Variants in CDH12 observed in about 807,000 individuals in gnomAD.
The protein encoded by CDH12 is cadherin 12.
A neutral mutation model predicts 74.1 loss-of-function variants in CDH12; 41 were observed. The observed-to-expected ratio is 0.55, with a 90% CI of 0.43 to 0.72. The LOEUF (loss-of-function observed/expected upper bound fraction) is 0.72. CDH12 is among the 30% of genes least tolerant of loss of function. The pLI, the probability that CDH12 is intolerant of heterozygous loss-of-function variation, is 0.00. For synonymous variants in CDH12, 399 were observed against 355.0 expected, an observed-to-expected ratio of 1.12 and a Z score of -1.39; for missense variants, 945 against 977.2, an observed-to-expected ratio of 0.97 and a Z score of 0.44.
rs139073237 is a variant in CDH12, at chr5:22,544,967, A to T, written c.-522-39603T>A. On this transcript the variant is annotated intron_variant, in intron 1 of 14. Transcript: ENST00000382254. ...TCAATATAAACTATATTCTAGTGAG[A>T]TGTGGCAAAAAAAAAGACTATTCCA... is the stretch of plus-strand genomic sequence containing the variant. 7.9e-3 allele frequency among the ~76,000 whole-genome samples: 1,166 copies of T among 147,416 alleles called. 21 individuals are homozygous for T. Among genetic ancestry groups the T allele is most frequent in the African/African-American group, 0.027 (1,102 of 41,382 alleles).
At chr5:22,422,136 G>C (rs532230794) in intron 2 of CDH12, among the ~76,000 whole-genome samples, 2 of 152,228 alleles carry the variant, frequency 1.3e-5, no homozygotes, top group East Asian at 3.9e-4. Flanking sequence ...TGGTGAGAGA[G>C]GGCATTTTGT....
chr5:22,483,957 A>T (rs950113348), intron 2 of CDH12, among the ~76,000 whole-genome samples: 2 of 150,394 alleles, frequency 1.3e-5, no homozygotes, highest in African/African-American at 4.9e-5. Context: ...CGGGAATTCC[A>T]AATTTCAGAA....
chr5:21,974,075 T>C (rs1756964524), intron 6 of CDH12, among the ~76,000 whole-genome samples: 1 of 152,280 alleles, frequency 6.6e-6, no homozygotes, highest in Admixed American at 6.5e-5. Context: ...TAAATCCATG[T>C]GACAGCTCCT....
At chr5:22,151,998 T>C (rs549646979) in intron 4 of CDH12, 1 of 152,054 alleles carries the variant, frequency 6.6e-6, no homozygotes, top group Non-Finnish European at 1.5e-5. Context: ...GGGGGAAAGG[T>C]AAGCACATAG....
At chr5:22,290,361 A>G (rs535264282) in intron 3 of CDH12, among the ~76,000 whole-genome samples, 117 of 152,318 alleles carry the variant, frequency 7.7e-4, no homozygotes, top group Non-Finnish European at 1.4e-3. Context: ...ACACTCAGCA[A>G]AGTTCAAAAA....
chr5:22,546,380 C>T (rs950811629), intron 1 of CDH12, among the ~76,000 whole-genome samples: 13 of 151,910 alleles, frequency 8.6e-5, no homozygotes, highest in South Asian at 2.1e-4. Flanking sequence ...CTGAGTCTAG[C>T]GAAAAAAATG....
At chr5:21,992,325 A>C (rs1757787986) in intron 5 of CDH12, among the ~76,000 whole-genome samples, 1 of 152,186 alleles carries the variant, frequency 6.6e-6, no homozygotes, top group Admixed American at 6.6e-5. Context: ...TGAATGCCTG[A>C]CTGAAATAAA....
intron 3 of CDH12, among the ~76,000 whole-genome samples, chr5:22,305,412 TA>T (rs1378555504): frequency 1.3e-5 from 2 of 152,204 alleles, no homozygotes; most frequent in African/African-American, 4.8e-5. Flanking sequence ...ATATTTTTTT[TA>T]AAAAGAAACT....
At chr5:22,582,853 C>G (rs1265956391) in intron 1 of CDH12, among the ~76,000 whole-genome samples, 1 of 152,054 alleles carries the variant, frequency 6.6e-6, no homozygotes, top group Non-Finnish European at 1.5e-5. Flanking sequence ...GGCAAAGGAG[C>G]TGGGGGTTTG....
In CDH12 at chr5:22,754,482, T is replaced by C. The variant is rs112032877; in HGVS notation, c.-523+98576A>G. ...TATGGCATCTGCTGTGGAAAGAAGATAGATCTAGGTGATGGTTAAGTCTAA... is the reference window on the plus strand; with the variant it reads ...TATGGCATCTGCTGTGGAAAGAAGACAGATCTAGGTGATGGTTAAGTCTAA... On this transcript the variant is annotated intron_variant, in intron 1 of 14. Transcript: ENST00000382254. Among the ~76,000 whole-genome samples the C allele has an allele frequency of 6.3e-3, 932 of 148,970 alleles. 10 individuals are homozygous for C. Among genetic ancestry groups the C allele is most frequent in the African/African-American group, 0.022 (890 of 40,166 alleles).
At chr5:22,185,418 T>G (rs1749887766) in intron 4 of CDH12, among the ~76,000 whole-genome samples, 1 of 152,220 alleles carries the variant, frequency 6.6e-6, no homozygotes, top group Admixed American at 6.5e-5. Flanking sequence ...AGGCTGGTCT[T>G]TGATTCACAT....
chr5:22,532,611 C>G (rs1737645652), intron 1 of CDH12, among the ~76,000 whole-genome samples: 1 of 151,350 alleles, frequency 6.6e-6, no homozygotes, highest in African/African-American at 2.4e-5. Context: ...TTGGGAAGGA[C>G]AGACCCAGCT....
chr5:22,420,374 T>G (rs901892705), intron 2 of CDH12, among the ~76,000 whole-genome samples: 1 of 152,160 alleles, frequency 6.6e-6, no homozygotes, highest in African/African-American at 2.4e-5. Context: ...AGGGGTCCAG[T>G]TTCAATTTTC....
chr5:21,899,413 G>A (rs1011046016), intron 6 of CDH12, among the ~76,000 whole-genome samples: 62 of 152,136 alleles, frequency 4.1e-4, no homozygotes, highest in Non-Finnish European at 7.5e-4. Flanking sequence ...AGCATGTCAT[G>A]GACATGTTAA....
At chr5:22,031,101 A>G (rs1040611849) in intron 5 of CDH12, among the ~76,000 whole-genome samples, 6 of 152,072 alleles carry the variant, frequency 3.9e-5, no homozygotes, top group Non-Finnish European at 8.8e-5. Context: ...TTAGGAGGCC[A>G]AGGCGGGTGG....
chr5:22,630,436 T>A lies in CDH12; in HGVS notation c.-522-125072A>T, dbSNP rs143079206. On this transcript the variant is annotated intron_variant, in intron 1 of 14. Transcript: ENST00000382254. ...AAAACAAAACAGCATGGTACTGGTA[T>A]GAAAACAGTCATATAGACCCACGGA... Among the ~76,000 whole-genome samples the A allele has an allele frequency of 1.8e-4, 27 of 152,142 alleles. No individual in the cohort carries two copies. The East Asian group carries it at 2.3e-3, about 13-fold the overall frequency.
intron 2 of CDH12, among the ~76,000 whole-genome samples, chr5:22,496,997 A>G (rs995682080): frequency 2.6e-5 from 4 of 152,210 alleles, no homozygotes; most frequent in African/African-American, 9.6e-5. Context: ...CAGCTGTGTG[A>G]TCTTGGAAAA....
At chr5:22,721,949 A>T (rs967774054) in intron 1 of CDH12, among the ~76,000 whole-genome samples, 2 of 152,132 alleles carry the variant, frequency 1.3e-5, no homozygotes, top group African/African-American at 4.8e-5. Context: ...ACTGTGAGTC[A>T]ATTAAACCTC....
chr5:21,884,337 A>T, intron 6 of CDH12: 1 of 1,030,080 alleles, frequency 9.7e-7, no homozygotes, highest in Non-Finnish European at 1.5e-6. Flanking sequence ...CTTTACCTTT[A>T]TTAATGAACT....
Sources: allele counts gnomAD v4.1 joint callset (sites outside exome capture counted in the v4.1 genomes callset), GRCh38; gene constraint gnomAD v4.1.1; transcripts MANE v1.5; gene names NCBI Gene and HGNC (gene_info 2026-07-23, HGNC 2026-07-21).